ZNF808: variants seen among roughly 807,000 people sequenced by gnomAD.
ZNF808 encodes the protein zinc finger protein 808.
Under a neutral mutation model 8.7 loss-of-function variants are expected in ZNF808, and 5 were observed. The observed-to-expected ratio is 0.58, with a 90% CI of 0.30 to 1.21. The LOEUF (loss-of-function observed/expected upper bound fraction) is 1.21. Among genes scored for constraint, ZNF808 ranks in the 50% most tolerant of loss-of-function variants. The probability of loss-of-function intolerance (pLI) is 0.07; values close to 1 mark genes in which losing one functional copy is unlikely to be tolerated. For missense variants in ZNF808, 1,103 were observed against 1,098.4 expected, an observed-to-expected ratio of 1.00 and a Z score of -0.06; for synonymous variants, 380 against 366.0, an observed-to-expected ratio of 1.04 and a Z score of -0.44.
Position 52,554,016 on chromosome 19 carries a change from G to T in ZNF808, c.1100G>T (p.Gly367Val), listed in dbSNP as rs1015183236. 6.2e-7 allele frequency: 1 copy of T among 1,614,114 alleles called. No homozygotes were observed. The highest frequency in any genetic ancestry group is 1.3e-5 in the African/African-American group (1 of 75,036). Residue 367 changes from glycine to valine, a missense_variant, in exon 5 of 5, where the codon GGA becomes GTA. Coordinates refer to ENST00000359798, the MANE Select transcript of ZNF808 (RefSeq NM_001039886.4). ...HLSRHQRLHT[G>V]VKPYKCKICE... ...TCACGCCATCAAAGACTTCATACTG[G>T]AGTGAAACCTTACAAATGTAAGATT... is the stretch of plus-strand genomic sequence containing the variant.
chr19:52,559,184 C>CTGTCTCCTGCTGGTCCCTGGACAATGGAA (rs1437843815), downstream of ZNF808, among the ~76,000 whole-genome samples: 9 of 152,034 alleles, frequency 5.9e-5, no homozygotes, highest in South Asian at 1.9e-3. Context: ...AGGAAGGCAT[C>CTGTCTCCTGCTGGTCCCTGGACAATGGAA]TGTCTCCTGC....
intron 2 of ZNF808, among the ~76,000 whole-genome samples, chr19:52,542,506 T>C (rs1400297019): frequency 6.6e-6 from 1 of 151,978 alleles, no homozygotes; most frequent in Admixed American, 6.6e-5. Context: ...CTTGTTCTGA[T>C]ATCATCTTCT....
At chr19:52,536,652 G>C (rs1421552463) in intron 2 of ZNF808, among the ~76,000 whole-genome samples, 1 of 152,104 alleles carries the variant, frequency 6.6e-6, no homozygotes, top group Non-Finnish European at 1.5e-5. Flanking sequence ...CGGAAAATGC[G>C]CTTCTCCGCG....
intron 1 of ZNF808, among the ~76,000 whole-genome samples, chr19:52,529,894 T>C (rs1244071848): frequency 7.5e-6 from 1 of 133,148 alleles, no homozygotes; most frequent in Non-Finnish European, 1.5e-5. Flanking sequence ...CTAGTTTACA[T>C]ATATATATAT....
At chr19:52,546,573 A>G (rs1213352634) in intron 3 of ZNF808, among the ~76,000 whole-genome samples, 5 of 151,666 alleles carry the variant, frequency 3.3e-5, no homozygotes, top group African/African-American at 4.8e-5. Flanking sequence ...TAGTTCATCT[A>G]GAGACTAAAT....
rs1202979565 is a variant in ZNF808, at chr19:52,555,553, G to A, written c.2637G>A (p.Glu879=). The change falls in exon 5 of 5, where the codon GAG becomes GAA. Residue 879 remains glutamate (E), a synonymous_variant. Transcript: ENST00000359798. ...HTGEKPYKCN[E]CGKAFSDRST... ...GAGAGAAACCTTACAAGTGTAATGA[G>A]TGTGGCAAAGCCTTTAGTGACCGGT... 2.5e-6 allele frequency: 4 copies of A among 1,613,676 alleles called. No homozygotes were observed. Among genetic ancestry groups the A allele is most frequent in the Non-Finnish European group, 3.4e-6 (4 of 1,179,856 alleles).
chr19:52,544,528 A>G (rs1229971050), intron 3 of ZNF808, among the ~76,000 whole-genome samples: 2 of 151,958 alleles, frequency 1.3e-5, no homozygotes, highest in African/African-American at 4.8e-5. Flanking sequence ...ACGGGGTTTC[A>G]TCATGTTCGT....
chr19:52,564,840 A>G (rs1166334209), downstream of ZNF808, among the ~76,000 whole-genome samples: 3 of 152,130 alleles, frequency 2.0e-5, no homozygotes, highest in Non-Finnish European at 4.4e-5. Context: ...TAATCCCAGC[A>G]CTTTGGGAGG....
chr19:52,542,413 A>C (rs544970010), intron 2 of ZNF808, among the ~76,000 whole-genome samples: 1 of 152,080 alleles, frequency 6.6e-6, no homozygotes, highest in Non-Finnish European at 1.5e-5. Flanking sequence ...CTCCTGTCTC[A>C]GGGCCCTCAC....
chr19:52,559,975 A>G (rs962599864), downstream of ZNF808, among the ~76,000 whole-genome samples: 4 of 152,188 alleles, frequency 2.6e-5, no homozygotes, highest in African/African-American at 9.6e-5. Context: ...GCAATAAGGT[A>G]TATTTTTTAT....
chr19:52,559,875 C>T (rs185922768), downstream of ZNF808, among the ~76,000 whole-genome samples: 53 of 152,114 alleles, frequency 3.5e-4, no homozygotes, highest in African/African-American at 9.4e-4. Context: ...TAGAGATGCA[C>T]GCCACCACGC....
intron 3 of ZNF808, among the ~76,000 whole-genome samples, chr19:52,546,188 GTTT>G (rs35937083): frequency 2.1e-5 from 3 of 140,214 alleles, no homozygotes; most frequent in African/African-American, 2.7e-5. Context: ...CATCATAACA[GTTT>G]TTTTTTTTTT....
chr19:52,547,561 G>A lies in ZNF808; in HGVS notation c.113G>A (p.Trp38Ter). Residue 38 changes from tryptophan (W) to a stop codon, truncating the protein, a stop_gained, in exon 4 of 5, where the codon TGG becomes TAG. Coordinates refer to ENST00000359798, the MANE Select transcript of ZNF808 (RefSeq NM_001039886.4). LOFTEE classifies it high-confidence loss of function. ...DVAIEFSLAE[W>*]KFLNPAQRAL... ...GCTATAGAATTCTCATTGGCAGAGT[G>A]GAAATTCCTGAACCCTGCACAGAGG... 1.2e-6 allele frequency: 2 copies of A among 1,614,002 alleles called. No individual in the cohort carries two copies. Among genetic ancestry groups the A allele is most frequent in the Non-Finnish European group, 1.7e-6 (2 of 1,179,990 alleles).
chr19:52,533,083 G>T (rs1353113871), intron 2 of ZNF808, 74 bp downstream of exon 2: 5 of 152,220 alleles, frequency 3.3e-5, no homozygotes, highest in Non-Finnish European at 5.9e-5. Context: ...TGAAATTAAA[G>T]AAGGAGATTT....
At chr19:52,534,301 C>T (rs2059585960) in intron 2 of ZNF808, among the ~76,000 whole-genome samples, 1 of 152,168 alleles carries the variant, frequency 6.6e-6, no homozygotes, top group African/African-American at 2.4e-5. Flanking sequence ...CAAGTAGAGC[C>T]AGGATGAACT....
chr19:52,531,251 A>C (rs570306848), intron 1 of ZNF808, among the ~76,000 whole-genome samples: 1 of 152,138 alleles, frequency 6.6e-6, no homozygotes, highest in African/African-American at 2.4e-5. Flanking sequence ...ATGTGGGCGA[A>C]TCACCTGAGG....
At chr19:52,529,984 C>T (rs1413581535) in intron 1 of ZNF808, among the ~76,000 whole-genome samples, 1 of 151,610 alleles carries the variant, frequency 6.6e-6, no homozygotes, top group Admixed American at 6.6e-5. Flanking sequence ...GTCAAAGGGT[C>T]CTCCTGCCTT....
At chr19:52,552,956 A>G (rs1966452507) in intron 4 of ZNF808, 151 bp from the exon 5 acceptor site, 3 of 1,204,286 alleles carry the variant, frequency 2.5e-6, no homozygotes, top group African/African-American at 1.6e-5. Context: ...TTTATTTACT[A>G]AAGAATCTCA....
At chr19:52,553,037 T>C in intron 4 of ZNF808, 70 bp from the exon 5 acceptor site, 2 of 1,461,212 alleles carry the variant, frequency 1.4e-6, no homozygotes, top group East Asian at 2.4e-5. Context: ...TTTTGTGTCA[T>C]ATTTACACAC....
Sources: gnomAD v4.1 joint callset for allele counts (sites outside exome capture counted in the v4.1 genomes callset) on GRCh38, gnomAD v4.1.1 for gene constraint, MANE v1.5 for transcripts, NCBI Gene and HGNC (gene_info 2026-07-23, HGNC 2026-07-21) for gene names.